ZNF410: variants seen among roughly 807,000 people sequenced by gnomAD.
The protein encoded by ZNF410 is zinc finger protein 410.
Under a neutral mutation model 54.8 loss-of-function variants are expected in ZNF410, and 18 were observed. The ratio of observed to expected loss-of-function variants is 0.33; its 90% CI spans 0.23 to 0.49. ZNF410 has a LOEUF of 0.49. ZNF410 is among the 20% of genes least tolerant of loss of function. ZNF410 has a pLI of 0.99. For missense variants in ZNF410, 405 were observed against 569.6 expected (o/e 0.71, Z 2.94); for synonymous variants, 191 against 207.3 (o/e 0.92, Z 0.68).
intron 6 of ZNF410, among the ~76,000 whole-genome samples, chr14:73,904,467 A>AT (rs913596326): frequency 6.6e-6 from 1 of 151,712 alleles, no homozygotes; most frequent in Non-Finnish European, 1.5e-5. Flanking sequence ...TTTTTGTTTG[A>AT]TTTTTTTTGT....
intron 11 of ZNF410, among the ~76,000 whole-genome samples, chr14:73,924,492 A>G (rs1417363830): frequency 6.6e-6 from 1 of 152,168 alleles, no homozygotes; most frequent in Non-Finnish European, 1.5e-5. Context: ...TGACTCAGGA[A>G]ACAGAATGCA....
chr14:73,923,364 T>C (rs1238838235), intron 10 of ZNF410, 31 bp from the exon 11 acceptor site: 1 of 1,606,326 alleles, frequency 6.2e-7, no homozygotes, highest in East Asian at 2.2e-5. Context: ...GGATTCACTT[T>C]TCATTGAAAC....
In ZNF410 at chr14:73,903,957, C is replaced by T. The variant is rs779718414; in HGVS notation, c.581-3C>T. Reference sequence around the variant, plus strand: ...GGATTACAAATATGTGACTCTGTTACAGGAGAAAATGTCCACCTTGGTTCT... The same window carrying T: ...GGATTACAAATATGTGACTCTGTTATAGGAGAAAATGTCCACCTTGGTTCT... On this transcript the variant is annotated splice_polypyrimidine_tract_variant and splice_region_variant and intron_variant, in intron 5 of 11. Coordinates refer to ENST00000555044, the MANE Select transcript of ZNF410 (RefSeq NM_021188.3). The T allele has an allele frequency of 3.1e-6, 5 of 1,614,026 alleles. No homozygotes were observed. Among genetic ancestry groups the T allele is most frequent in the South Asian group, 1.1e-5 (1 of 91,058 alleles).
chr14:73,901,420 A>AT (rs369316873), intron 5 of ZNF410, among the ~76,000 whole-genome samples: 1,504 of 138,100 alleles, frequency 0.011, 18 homozygotes, highest in Admixed American at 0.038. Flanking sequence ...TTTCTGAGGG[A>AT]TTTTTTTTTT....
chr14:73,892,438 A>G (rs1445468590), intron 2 of ZNF410, among the ~76,000 whole-genome samples: 1 of 151,728 alleles, frequency 6.6e-6, no homozygotes, highest in African/African-American at 2.4e-5. Context: ...ATACATTTAG[A>G]TAATGTAATA....
intron 7 of ZNF410, among the ~76,000 whole-genome samples, chr14:73,905,991 A>ATG (rs1555353442): frequency 2.8e-4 from 40 of 141,788 alleles, no homozygotes; most frequent in African/African-American, 1.0e-3. Context: ...ATATATATAT[A>ATG]TATACACACA....
chr14:73,893,884 C>T lies in ZNF410; in HGVS notation c.121C>T (p.Leu41Phe). 1.2e-6 allele frequency: 2 copies of T among 1,614,072 alleles called. No individual in the cohort carries two copies. The highest frequency in any genetic ancestry group is 1.7e-6 in the Non-Finnish European group (2 of 1,179,982). ...AGCTAAAGATATTACTTGCTTGTCC[C>T]TCCTTCCCGTGACTGAAGCCTCAGA... The part of the protein sequence containing the change: ...SEAKDITCLS[L>F]LPVTEASECS... Residue 41 changes from leucine (L) to phenylalanine (F), a missense_variant, in exon 3 of 12, where the codon CTC becomes TTC. Coordinates refer to ENST00000555044, the MANE Select transcript of ZNF410 (RefSeq NM_021188.3).
chr14:73,891,441 C>G (rs866212477), intron 1 of ZNF410, among the ~76,000 whole-genome samples: 1 of 152,168 alleles, frequency 6.6e-6, no homozygotes. Context: ...GCAACCTCCA[C>G]CTCCTGGGTT....
chr14:73,925,831 A>G (rs560160486), intron 11 of ZNF410, among the ~76,000 whole-genome samples: 23 of 152,288 alleles, frequency 1.5e-4, no homozygotes, highest in African/African-American at 5.3e-4. Context: ...CAGGAGTTCA[A>G]GACCAGCCTG....
Position 73,922,099 on chromosome 14 carries a change from A to T in ZNF410, c.1163A>T (p.Glu388Val). Residue 388 changes from glutamate (E) to valine (V), a missense_variant, in exon 10 of 12, where the codon GAG (glutamate) becomes GTG (valine). Coordinates refer to ENST00000555044, the MANE Select transcript of ZNF410 (RefSeq NM_021188.3). Reference sequence around the variant, plus strand: ...CTAATGGGCAGTAGTTTGCTTGAAGAGGCTTCAGTACCCAGTAAAAACCTG... The same window carrying T: ...CTAATGGGCAGTAGTTTGCTTGAAGTGGCTTCAGTACCCAGTAAAAACCTG... ...EPLMGSSLLE[E>V]ASVPSKNLVS... The T allele has an allele frequency of 6.2e-7, 1 of 1,614,110 alleles. No individual in the cohort carries two copies. The highest frequency in any genetic ancestry group is 8.5e-7 in the Non-Finnish European group (1 of 1,180,018).
intron 1 of ZNF410, among the ~76,000 whole-genome samples, chr14:73,889,117 T>C (rs1276619543): frequency 6.6e-6 from 1 of 152,214 alleles, no homozygotes; most frequent in Non-Finnish European, 1.5e-5. Context: ...TAAGGATGAC[T>C]TAAACAACAA....
chr14:73,905,273 G>A (rs2055463640), intron 7 of ZNF410, 190 bp downstream of exon 7: 1 of 589,922 alleles, frequency 1.7e-6, no homozygotes, highest in Admixed American at 3.3e-5. Context: ...TTACCTGTGT[G>A]TGTAGAGTAG....
Position 73,923,348 on chromosome 14 carries a change from A to G in ZNF410, c.1271-47A>G, listed in dbSNP as rs1449645289. ...GAGGCTTAATGATCCAGATAGGTGT[A>G]TCTCTGGATTCACTTTTCATTGAAA... On this transcript the variant is annotated intron_variant, in intron 10 of 11. Transcript: ENST00000555044. 4 of 1,594,680 alleles carry G rather than the reference A, an allele frequency of 2.5e-6. No individual in the cohort carries two copies. In the African/African-American group the frequency reaches 4.0e-5, roughly 16 times the overall value.
At chr14:73,901,944 A>G (rs1476754) in intron 5 of ZNF410, among the ~76,000 whole-genome samples, 50,794 of 151,336 alleles carry the variant, frequency 0.34, 9,629 homozygotes, top group Non-Finnish European at 0.42. Context: ...AAAAAAAAAA[A>G]AAGAAAAAAT....
chr14:73,927,828 G>C (rs1051776156), intron 11 of ZNF410: 2 of 115,374 alleles, frequency 1.7e-5, no homozygotes, highest in Non-Finnish European at 3.6e-5. Flanking sequence ...TTAATCAACC[G>C]GCAATTTTTT....
chr14:73,910,315 C>CTCTTGT (rs2055557651), intron 8 of ZNF410, among the ~76,000 whole-genome samples: 1 of 152,096 alleles, frequency 6.6e-6, no homozygotes, highest in South Asian at 2.1e-4. Flanking sequence ...AAGTCTGCTC[C>CTCTTGT]AGTGTAGTGG....
At chr14:73,905,991 A>G (rs111661124) in intron 7 of ZNF410, among the ~76,000 whole-genome samples, 1,434 of 141,282 alleles carry the variant, frequency 0.01, 36 homozygotes, top group African/African-American at 0.033. Flanking sequence ...ATATATATAT[A>G]TATACACACA....
rs567253640 is a variant in ZNF410, at chr14:73,924,124, A to C, written c.1398+602A>C. On this transcript the variant is annotated intron_variant, in intron 11 of 11. Transcript: ENST00000555044. Reference sequence around the variant, plus strand: ...TTTGTTCACTTGCTTGCTAAGTGAGAACCATTACCTAAATCAATGGTCTCC... The same window carrying C: ...TTTGTTCACTTGCTTGCTAAGTGAGCACCATTACCTAAATCAATGGTCTCC... Among the ~76,000 whole-genome samples the C allele has an allele frequency of 3.9e-5, 6 of 152,334 alleles. No individual in the cohort carries two copies. In the East Asian group the frequency reaches 1.2e-3, roughly 29 times the overall value.
intron 7 of ZNF410, among the ~76,000 whole-genome samples, chr14:73,905,802 C>T (rs935992169): frequency 6.8e-6 from 1 of 146,494 alleles, no homozygotes; most frequent in African/African-American, 2.5e-5. Flanking sequence ...AAAATGACAG[C>T]AGGTAAAATT....
Sources: gnomAD v4.1 joint callset for allele counts (sites outside exome capture counted in the v4.1 genomes callset) on GRCh38, gnomAD v4.1.1 for gene constraint, MANE v1.5 for transcripts, NCBI Gene and HGNC (gene_info 2026-07-23, HGNC 2026-07-21) for gene names.